CCDC148: variants seen among roughly 807,000 people sequenced by gnomAD.
CCDC148 encodes coiled-coil domain-containing protein 148.
Under a neutral mutation model 85.7 loss-of-function variants are expected in CCDC148, and 89 were observed. The observed-to-expected ratio is 1.04, with a 90% CI of 0.87 to 1.24. The LOEUF (loss-of-function observed/expected upper bound fraction) is 1.24, where lower values mean the gene tolerates loss of function less well. CCDC148 is among the 50% of genes most tolerant of loss of function. The probability of loss-of-function intolerance (pLI) is 0.00; values close to 1 mark genes in which losing one functional copy is unlikely to be tolerated. For missense variants in CCDC148, 692 were observed against 671.7 expected, an observed-to-expected ratio of 1.03 and a Z score of -0.33; for synonymous variants, 230 against 213.9, an observed-to-expected ratio of 1.08 and a Z score of -0.66.
chr2:158,280,304 A>C (rs1357708933), intron 9 of CCDC148, among the ~76,000 whole-genome samples: 2 of 152,234 alleles, frequency 1.3e-5, no homozygotes, highest in African/African-American at 4.8e-5. Context: ...AATGGACTAA[A>C]TGCTCCAATT....
chr2:158,311,076 C>T (rs975891665), intron 8 of CCDC148, among the ~76,000 whole-genome samples: 13 of 152,174 alleles, frequency 8.5e-5, no homozygotes, highest in African/African-American at 3.1e-4. Flanking sequence ...GGGTGGTGGC[C>T]GGGCAGAGGC....
intron 7 of CCDC148, among the ~76,000 whole-genome samples, chr2:158,329,639 A>C (rs548261644): frequency 1.3e-5 from 2 of 152,028 alleles, no homozygotes; most frequent in Non-Finnish European, 2.9e-5. Flanking sequence ...TTCCTACCCA[A>C]GAGCATGGAA....
At position 158,282,854 on chromosome 2, in the gene CCDC148, C is replaced by T. The variant is rs575844079; in HGVS notation, c.1110+26579G>A. 1.4e-4 allele frequency among the ~76,000 whole-genome samples: 21 copies of T among 152,326 alleles called. No homozygotes were observed. The East Asian group carries it at 1.9e-3, about 14-fold the overall frequency. ...TAAGCCAAAAGAACAAAGCTGGAGG[C>T]GTCACGCTACTTGACTTTAAACTAC... On this transcript the variant is annotated intron_variant, in intron 9 of 13. Transcript: ENST00000283233.
chr2:158,325,773 C>T (rs1017435797), intron 7 of CCDC148, among the ~76,000 whole-genome samples: 1 of 152,110 alleles, frequency 6.6e-6, no homozygotes. Flanking sequence ...GCTCAGTCCC[C>T]AAAAAGCAAC....
chr2:158,367,713 A>G (rs936226106), intron 1 of CCDC148, among the ~76,000 whole-genome samples: 1 of 152,166 alleles, frequency 6.6e-6, no homozygotes, highest in African/African-American at 2.4e-5. Flanking sequence ...TGGAAACCTC[A>G]TTTGGTTCCA....
intron 7 of CCDC148, among the ~76,000 whole-genome samples, chr2:158,323,408 TTAAAA>T (rs1692612676): frequency 6.6e-6 from 1 of 152,248 alleles, no homozygotes; most frequent in Non-Finnish European, 1.5e-5. Context: ...AAGACACACT[TTAAAA>T]TAAATTTCAC....
intron 1 of CCDC148, among the ~76,000 whole-genome samples, chr2:158,435,509 G>T (rs1163981581): frequency 6.6e-6 from 1 of 152,150 alleles, no homozygotes; most frequent in African/African-American, 2.4e-5. Flanking sequence ...ACTGGTACTG[G>T]CCACTGCAAA....
At chr2:158,251,235 T>C (rs1457998944) in intron 9 of CCDC148, among the ~76,000 whole-genome samples, 1 of 151,622 alleles carries the variant, frequency 6.6e-6, no homozygotes, top group African/African-American at 2.4e-5. Flanking sequence ...TTTGCCTATG[T>C]TTTTTTTCCC....
Position 158,176,447 on chromosome 2 carries a change from C to A in CCDC148, c.1629+74G>T, listed in dbSNP as rs947411347. On this transcript the variant is annotated intron_variant, in intron 13 of 13. Coordinates refer to ENST00000283233, the MANE Select transcript of CCDC148 (RefSeq NM_138803.4). ...ATGTAAATATTGAAAACTGTTGTAA[C>A]CCCAAACACACACTTCTACAGTCCT... The A allele has an allele frequency of 9.0e-6, 13 of 1,448,330 alleles. No homozygotes were observed. The East Asian group carries it at 2.6e-4, about 29-fold the overall frequency. The allele number at this position is 1,448,330 out of a possible 1,614,324, so 89.7% of individuals were successfully genotyped here. A position where few individuals can be genotyped will look rare whatever the true frequency, so the allele number is the denominator to read the frequency against.
intron 7 of CCDC148, among the ~76,000 whole-genome samples, chr2:158,327,589 T>A (rs1395809515): frequency 1.3e-5 from 2 of 152,190 alleles, no homozygotes; most frequent in African/African-American, 2.4e-5. Context: ...GATCTGTTCA[T>A]GGCAACATGC....
intron 9 of CCDC148, among the ~76,000 whole-genome samples, chr2:158,266,275 A>G (rs998317459): frequency 6.6e-6 from 1 of 152,016 alleles, no homozygotes; most frequent in Non-Finnish European, 1.5e-5. Flanking sequence ...CACCCAGAGG[A>G]AGAGGCACAT....
chr2:158,225,353 A>T (rs1028731166), intron 10 of CCDC148, among the ~76,000 whole-genome samples: 1 of 152,132 alleles, frequency 6.6e-6, no homozygotes, highest in African/African-American at 2.4e-5. Context: ...CACAATAATA[A>T]TGAGAGACTT....
At chr2:158,393,834 C>T (rs1330225609) in intron 1 of CCDC148, among the ~76,000 whole-genome samples, 5 of 152,092 alleles carry the variant, frequency 3.3e-5, no homozygotes, top group Admixed American at 1.3e-4. Context: ...GGTCTTTTCT[C>T]CAACAGTATC....
chr2:158,449,899 G>A (rs1392620936), intron 1 of CCDC148, among the ~76,000 whole-genome samples: 1 of 152,108 alleles, frequency 6.6e-6, no homozygotes, highest in Non-Finnish European at 1.5e-5. Context: ...CACCAACAAA[G>A]TTCCCTTCTA....
rs551556633 is a variant in CCDC148, at chr2:158,426,996, A to T, written c.25+29419T>A. 1.5e-3 allele frequency among the ~76,000 whole-genome samples: 228 copies of T among 152,294 alleles called. 1 individual carries two copies. The highest frequency in any genetic ancestry group is 5.2e-3 in the African/African-American group (217 of 41,576). On this transcript the variant is annotated intron_variant, in intron 1 of 13. Transcript: ENST00000283233. ...GTGAATCCTGTAAGTTCAAACGTAT[A>T]ATTAAGTGAAAAGTTGACCTTGAGA...
intron 1 of CCDC148, among the ~76,000 whole-genome samples, chr2:158,403,674 T>C (rs145164023): frequency 1.3e-3 from 193 of 148,500 alleles, no homozygotes; most frequent in African/African-American, 4.6e-3. Flanking sequence ...CCAAGATTAT[T>C]GGTCCTGTCT....
chr2:158,351,170 ACT>A (rs1683250173), intron 2 of CCDC148, among the ~76,000 whole-genome samples: 1 of 152,194 alleles, frequency 6.6e-6, no homozygotes, highest in Non-Finnish European at 1.5e-5. Context: ...TTTGATAAAC[ACT>A]GACTCCTCTC....
Position 158,456,421 on chromosome 2 carries a change from A to T in CCDC148, c.19T>A (p.Ser7Thr). 1 of 1,611,800 alleles carries T rather than the reference A, an allele frequency of 6.2e-7. No individual in the cohort carries two copies. The highest frequency in any genetic ancestry group is 2.2e-5 in the East Asian group (1 of 44,858). Residue 7 changes from serine (S) to threonine (T), a missense_variant, in exon 1 of 14, where the codon TCT becomes ACT. By Grantham distance (58) the Ser-to-Thr change is moderately conservative. Coordinates refer to ENST00000283233, the MANE Select transcript of CCDC148 (RefSeq NM_138803.4). MCAASASPDNLVFHMKN... is the reference protein window; with the variant it reads MCAASATPDNLVFHMKN... The stretch of plus-strand genomic sequence containing the variant: ...GGATGGGGTGCAAACTCACCTGGAG[A>T]AGCAGAAGCTGCACACATGTCAAAG...
chr2:158,284,270 T>TATA (rs1690506240), intron 9 of CCDC148, among the ~76,000 whole-genome samples: 1 of 150,676 alleles, frequency 6.6e-6, no homozygotes, highest in African/African-American at 2.4e-5. Flanking sequence ...AAACTTAAAG[T>TATA]ATAATAATAA....
Sources: gnomAD v4.1 joint callset for allele counts (sites outside exome capture counted in the v4.1 genomes callset) on GRCh38, gnomAD v4.1.1 for gene constraint, MANE v1.5 for transcripts, NCBI Gene and HGNC (gene_info 2026-07-23, HGNC 2026-07-21) for gene names.